Variants in PHLDB2 observed in about 807,000 individuals in gnomAD.
PHLDB2 encodes the protein pleckstrin homology like domain family B member 2, also known as pleckstrin homology-like domain family B member 2.
In PHLDB2, 71 loss-of-function variants were observed where a neutral mutation model predicts 123.6. That is an observed-to-expected ratio of 0.57 (90% CI 0.47 to 0.70). PHLDB2 has a LOEUF of 0.70. Among genes scored for constraint, PHLDB2 ranks in the 30% least tolerant of loss-of-function variants. PHLDB2 has a pLI of 0.00. For synonymous variants in PHLDB2, 547 were observed against 541.6 expected (o/e 1.01, Z -0.14); for missense variants, 1,446 against 1,519.5 (o/e 0.95, Z 0.80).
intron 1 of PHLDB2, among the ~76,000 whole-genome samples, chr3:111,790,180 A>G (rs2060855855): frequency 6.6e-6 from 1 of 152,138 alleles, no homozygotes; most frequent in African/African-American, 2.4e-5. Context: ...GGTTTTCATA[A>G]CCCTGAAAAT....
At chr3:111,746,972 A>T (rs1434439044) in intron 1 of PHLDB2, among the ~76,000 whole-genome samples, 4 of 152,186 alleles carry the variant, frequency 2.6e-5, no homozygotes, top group African/African-American at 7.2e-5. Flanking sequence ...AAAGTTAGGG[A>T]ACGTTTCCAC....
Position 111,884,634 on chromosome 3 carries a change from G to A in PHLDB2, c.557G>A (p.Ser186Asn). 6.2e-7 allele frequency: 1 copy of A among 1,614,180 alleles called. No individual in the cohort carries two copies. The highest frequency in any genetic ancestry group is 1.1e-5 in the South Asian group (1 of 91,088). Residue 186 changes from serine to asparagine, a missense_variant, in exon 2 of 18, where the codon AGT (serine) becomes AAT (asparagine). By Grantham distance (46) the Ser-to-Asn change is conservative (BLOSUM62 1). Transcript: ENST00000431670. ...GCCATGTGGAATGGAAGTTCCCTGAGTGATGCTGGCCCGCCTCCTATCAGC... is the reference window on the plus strand; with the variant it reads ...GCCATGTGGAATGGAAGTTCCCTGAATGATGCTGGCCCGCCTCCTATCAGC... ...LLAMWNGSSL[S>N]DAGPPPISRS...
intron 16 of PHLDB2, among the ~76,000 whole-genome samples, chr3:111,970,853 A>G (rs1382902455): frequency 2.0e-5 from 3 of 152,238 alleles, no homozygotes; most frequent in Admixed American, 2.0e-4. Flanking sequence ...TAAAATATAA[A>G]TAACAGTCTA....
chr3:111,828,521 T>C (rs2062776560), intron 1 of PHLDB2, among the ~76,000 whole-genome samples: 1 of 152,194 alleles, frequency 6.6e-6, no homozygotes, highest in Non-Finnish European at 1.5e-5. Context: ...CCAGGCACAG[T>C]GGTTCACGCC....
At chr3:111,854,951 T>A (rs2064415524), upstream of PHLDB2, among the ~76,000 whole-genome samples, 1 of 152,220 alleles carries the variant, frequency 6.6e-6, no homozygotes, top group African/African-American at 2.4e-5. Context: ...GCTCTGTGAA[T>A]CTGCCCATGG....
chr3:111,818,040 G>A (rs1429938028), intron 1 of PHLDB2, among the ~76,000 whole-genome samples: 3 of 152,024 alleles, frequency 2.0e-5, no homozygotes, highest in African/African-American at 7.2e-5. Flanking sequence ...GTTCATCTCT[G>A]AGATTGATCT....
intron 1 of PHLDB2, among the ~76,000 whole-genome samples, chr3:111,792,391 A>G (rs187178190): frequency 1.3e-4 from 20 of 152,328 alleles, no homozygotes; most frequent in African/African-American, 4.8e-4. Context: ...TGGAGAACTT[A>G]CAATTAGCTA....
At chr3:111,850,672 G>A (rs551022207) in intron 2 of PHLDB2, among the ~76,000 whole-genome samples, 12 of 152,220 alleles carry the variant, frequency 7.9e-5, no homozygotes, top group African/African-American at 2.2e-4. Flanking sequence ...GCTGAGGCAC[G>A]AGGATGGCTT....
At chr3:111,733,187 G>A (rs1257975720) in intron 1 of PHLDB2, among the ~76,000 whole-genome samples, 1 of 152,112 alleles carries the variant, frequency 6.6e-6, no homozygotes, top group East Asian at 1.9e-4. Flanking sequence ...GGCTCTCCCA[G>A]GAAGTCACGT....
chr3:111,867,095 A>G (rs938938925), intron 1 of PHLDB2, among the ~76,000 whole-genome samples: 1 of 152,140 alleles, frequency 6.6e-6, no homozygotes, highest in Non-Finnish European at 1.5e-5. Flanking sequence ...TATCTTGCAA[A>G]TATCTTAAAT....
intron 1 of PHLDB2, among the ~76,000 whole-genome samples, chr3:111,879,385 G>A (rs932880681): frequency 9.2e-5 from 14 of 152,182 alleles, no homozygotes; most frequent in Non-Finnish European, 1.8e-4. Context: ...TAGTAATGAA[G>A]TATAGAAATG....
chr3:111,974,668 A>T lies in PHLDB2; in HGVS notation c.*105A>T. ...GAAAACCCAACAGATCCATCCCTTG[A>T]GCTGTAAACACTCAGAACTCCTTTC... On this transcript the variant is annotated 3_prime_UTR_variant, in exon 18 of 18. Transcript: ENST00000431670. The T allele has an allele frequency of 8.5e-7, 1 of 1,176,114 alleles. No individual in the cohort carries two copies. The highest frequency in any genetic ancestry group is 1.1e-6 in the Non-Finnish European group (1 of 889,546). 72.9% of individuals were successfully genotyped at this position (1,176,114 alleles called of 1,614,324 possible). A position where few individuals can be genotyped will look rare whatever the true frequency, so the allele number is the denominator to read the frequency against.
In PHLDB2 at chr3:111,852,781, CAT is replaced by C. The variant is rs1282033554; in HGVS notation, c.67+6848_67+6849del. 4.6e-5 allele frequency among the ~76,000 whole-genome samples: 7 copies of C among 151,266 alleles called. No individual in the cohort carries two copies. The South Asian group carries it at 1.3e-3, about 27-fold the overall frequency. The stretch of plus-strand genomic sequence containing the variant: ...ACACACACACACACACACACACACA[CAT>C]ACACACACACCATCCTTTTCCTGCC... On this transcript the variant is annotated intron_variant, in intron 2 of 17. Transcript: ENST00000393923.
Position 111,969,682 on chromosome 3 carries a change from T to C in PHLDB2, c.3316-8T>C, listed in dbSNP as rs2072042548. The C allele has an allele frequency of 6.2e-7, 1 of 1,612,808 alleles. No homozygotes were observed. The highest frequency in any genetic ancestry group is 8.5e-7 in the Non-Finnish European group (1 of 1,179,046). On this transcript the variant is annotated splice_polypyrimidine_tract_variant and splice_region_variant and intron_variant, in intron 15 of 17. Coordinates refer to ENST00000431670, the MANE Select transcript of PHLDB2 (RefSeq NM_001134438.2). ...GCTATAGATGCAATGGGTTTTGCAC[T>C]TTTCCAGGCTCGTCCTTTGACACGC...
At chr3:111,850,477 T>A (rs1402408360) in intron 2 of PHLDB2, among the ~76,000 whole-genome samples, 1 of 152,208 alleles carries the variant, frequency 6.6e-6, no homozygotes, top group East Asian at 1.9e-4. Flanking sequence ...AAGAAATTCT[T>A]GGTTTTTGAG....
At chr3:111,806,899 G>A (rs1189917733) in intron 1 of PHLDB2, among the ~76,000 whole-genome samples, 2 of 150,936 alleles carry the variant, frequency 1.3e-5, no homozygotes, top group East Asian at 3.9e-4. Context: ...GCCTCCTAAA[G>A]TGCTGGGATT....
chr3:111,961,112 C>G (rs1418484971), intron 12 of PHLDB2, among the ~76,000 whole-genome samples: 1 of 152,142 alleles, frequency 6.6e-6, no homozygotes, highest in African/African-American at 2.4e-5. Flanking sequence ...GCAGGCAGAT[C>G]ACAAGGTCAA....
rs1553734228 is a variant in PHLDB2, at chr3:111,822,317, G to GTGTGTGTGTGTGTGTGTGTGTGTATA, written c.-48-23503_-48-23502insGTGTGTGTGTGTGTGTGTGTGTATAT. Among the ~76,000 whole-genome samples, 364 of 147,862 alleles carry GTGTGTGTGTGTGTGTGTGTGTGTATA rather than the reference G, an allele frequency of 2.5e-3. 3 individuals are homozygous for GTGTGTGTGTGTGTGTGTGTGTGTATA. The highest frequency in any genetic ancestry group is 8.9e-3 in the African/African-American group (350 of 39,378). ...TGTATGTGTGTGTGTGTGTGTGTGT[G>GTGTGTGTGTGTGTGTGTGTGTGTATA]TATATATATATATATAATGGTACAC... On this transcript the variant is annotated intron_variant, in intron 1 of 17. Coordinates refer to the PHLDB2 transcript ENST00000393923.
chr3:111,937,066 T>C (rs1169105025), intron 6 of PHLDB2, among the ~76,000 whole-genome samples: 1 of 152,200 alleles, frequency 6.6e-6, no homozygotes, highest in Non-Finnish European at 1.5e-5. Context: ...TGGAGCCAAA[T>C]AAAATGTAAA....
Sources: gnomAD v4.1 joint callset for allele counts (sites outside exome capture counted in the v4.1 genomes callset) on GRCh38, gnomAD v4.1.1 for gene constraint, MANE v1.5 for transcripts, NCBI Gene and HGNC (gene_info 2026-07-23, HGNC 2026-07-21) for gene names.